The following PIBF1 variants were observed in gnomAD, a reference collection of about 807,000 sequenced individuals.
PIBF1 encodes the protein progesterone immunomodulatory binding factor 1.
A neutral mutation model predicts 112.5 loss-of-function variants in PIBF1; 90 were observed. That is an observed-to-expected ratio of 0.80 (90% CI 0.67 to 0.95). The LOEUF (loss-of-function observed/expected upper bound fraction) is 0.95. PIBF1 is among the 40% of genes least tolerant of loss of function. The pLI is 0.00. For synonymous variants in PIBF1, 301 were observed against 288.6 expected (o/e 1.04, Z -0.44); for missense variants, 915 against 852.3 (o/e 1.07, Z -0.92).
At chr13:72,800,840 A>G (rs947236127) in intron 5 of PIBF1, among the ~76,000 whole-genome samples, 16 of 152,238 alleles carry the variant, frequency 1.1e-4, no homozygotes, top group African/African-American at 2.7e-4. Flanking sequence ...AGTTCAAGAT[A>G]AGGTGAATTG....
chr13:72,984,326 A>G (rs1292451610), intron 16 of PIBF1, among the ~76,000 whole-genome samples: 2 of 152,206 alleles, frequency 1.3e-5, no homozygotes. Flanking sequence ...AATTACTTTC[A>G]AGTAAGTGTA....
At chr13:72,950,040 A>G (rs1305498606) in intron 14 of PIBF1, among the ~76,000 whole-genome samples, 4 of 152,082 alleles carry the variant, frequency 2.6e-5, no homozygotes, top group African/African-American at 9.7e-5. Context: ...AGCTAATCCA[A>G]CCTCTATATC....
At chr13:73,012,429 C>T (rs2044231194) in intron 17 of PIBF1, among the ~76,000 whole-genome samples, 1 of 151,898 alleles carries the variant, frequency 6.6e-6, no homozygotes, top group Admixed American at 6.6e-5. Flanking sequence ...AATCTCTAAC[C>T]TTGAGAATAT....
chr13:72,799,779 ATCCCTCAAGGAC>A (rs2035382743), intron 5 of PIBF1, among the ~76,000 whole-genome samples: 1 of 152,184 alleles, frequency 6.6e-6, no homozygotes, highest in South Asian at 2.1e-4. Flanking sequence ...GTACCTCAGC[ATCCCTCAAGGAC>A]TTCTTACTGT....
At position 72,809,922 on chromosome 13, in the gene PIBF1, C is replaced by G. The variant is rs542916794; in HGVS notation, c.672+11896C>G. ...ATTCTTGACCTTTAAAAGGAAATTA[C>G]TCTTTCTGAAGTGGCAGTTTTAGTG... On this transcript the variant is annotated intron_variant, in intron 5 of 17. Transcript: ENST00000326291. Among the ~76,000 whole-genome samples the G allele has an allele frequency of 3.6e-4, 55 of 152,234 alleles. No individual in the cohort carries two copies. The South Asian group carries it at 3.7e-3, about 10-fold the overall frequency.
At chr13:72,879,707 TGGCCGATA>T (rs924216532) in intron 10 of PIBF1, among the ~76,000 whole-genome samples, 40 of 152,228 alleles carry the variant, frequency 2.6e-4, no homozygotes, top group African/African-American at 8.9e-4. Context: ...CGACAAACTA[TGGCCGATA>T]GGCCAAATCC....
intron 15 of PIBF1, among the ~76,000 whole-genome samples, chr13:72,966,475 A>T (rs2042741359): frequency 6.6e-6 from 1 of 152,196 alleles, no homozygotes; most frequent in Admixed American, 6.5e-5. Flanking sequence ...ATAATAAATT[A>T]ATTGTTCTAT....
At position 72,805,299 on chromosome 13, in the gene PIBF1, C is replaced by T. The variant is rs557078734; in HGVS notation, c.672+7273C>T. Among the ~76,000 whole-genome samples, 363 of 152,266 alleles carry T rather than the reference C, an allele frequency of 2.4e-3. 1 individual carries two copies. The highest frequency in any genetic ancestry group is 1.3e-3 in the African/African-American group (53 of 41,576). ...CTGGGACTACAGGCACACGCCACGA[C>T]GCCTGGCTAATTTTTTGTATTTTTA... On this transcript the variant is annotated intron_variant, in intron 5 of 17. Coordinates refer to ENST00000326291, the MANE Select transcript of PIBF1 (RefSeq NM_006346.4).
At chr13:72,808,230 T>C (rs905943489) in intron 5 of PIBF1, among the ~76,000 whole-genome samples, 2 of 152,220 alleles carry the variant, frequency 1.3e-5, no homozygotes, top group African/African-American at 4.8e-5. Context: ...ATAGCTTTTA[T>C]TTCTCTATTT....
chr13:72,954,569 C>A (rs2042388436), intron 14 of PIBF1, among the ~76,000 whole-genome samples: 1 of 152,206 alleles, frequency 6.6e-6, no homozygotes, highest in African/African-American at 2.4e-5. Flanking sequence ...GCCACTCCTT[C>A]TCATGTATTC....
chr13:72,927,719 T>C (rs1054407688), intron 13 of PIBF1, among the ~76,000 whole-genome samples: 4 of 151,628 alleles, frequency 2.6e-5, no homozygotes, highest in Admixed American at 6.6e-5. Flanking sequence ...GTTTCTGCTG[T>C]GTTCTTTTGC....
intron 9 of PIBF1, among the ~76,000 whole-genome samples, chr13:72,841,826 A>C (rs1330761567): frequency 1.3e-5 from 2 of 152,192 alleles, no homozygotes; most frequent in Non-Finnish European, 2.9e-5. Context: ...GTGAGGTCTA[A>C]ATGAAATAAT....
intron 10 of PIBF1, among the ~76,000 whole-genome samples, chr13:72,874,054 A>T (rs1024859955): frequency 6.6e-6 from 1 of 152,178 alleles, no homozygotes; most frequent in Non-Finnish European, 1.5e-5. Flanking sequence ...TACCACTACA[A>T]CCACTAGAAT....
At chr13:72,934,212 T>C (rs973576010) in intron 14 of PIBF1, among the ~76,000 whole-genome samples, 3 of 152,212 alleles carry the variant, frequency 2.0e-5, no homozygotes, top group Non-Finnish European at 4.4e-5. Context: ...AGTATTAGAT[T>C]GCTGTTATAA....
chr13:72,815,104 A>T (rs1028562392), intron 5 of PIBF1, among the ~76,000 whole-genome samples: 2 of 152,254 alleles, frequency 1.3e-5, no homozygotes, highest in Non-Finnish European at 2.9e-5. Flanking sequence ...CTATTGAAAA[A>T]GAAAGTTCTG....
chr13:72,967,874 T>A (rs1204000993), intron 15 of PIBF1, among the ~76,000 whole-genome samples: 1 of 152,142 alleles, frequency 6.6e-6, no homozygotes. Context: ...CCAATAGAAC[T>A]TTCTATAATG....
intron 10 of PIBF1, among the ~76,000 whole-genome samples, chr13:72,886,079 A>G (rs768847870): frequency 1.3e-5 from 2 of 152,120 alleles, no homozygotes; most frequent in African/African-American, 2.4e-5. Flanking sequence ...TAGTAAATTC[A>G]TTTCTTTTCT....
intron 6 of PIBF1, among the ~76,000 whole-genome samples, chr13:72,824,937 C>A (rs2036732018): frequency 6.6e-6 from 1 of 152,102 alleles, no homozygotes; most frequent in Non-Finnish European, 1.5e-5. Flanking sequence ...CTGTAGTATT[C>A]CTGCCCAAGT....
intron 16 of PIBF1, among the ~76,000 whole-genome samples, chr13:72,985,707 C>T (rs1484854494): frequency 6.6e-6 from 1 of 152,090 alleles, no homozygotes; most frequent in African/African-American, 2.4e-5. Context: ...TAAGAGAAGG[C>T]TGGAATACAA....
Sources: gnomAD v4.1 joint callset for allele counts (sites outside exome capture counted in the v4.1 genomes callset) on GRCh38, gnomAD v4.1.1 for gene constraint, MANE v1.5 for transcripts, NCBI Gene and HGNC (gene_info 2026-07-23, HGNC 2026-07-21) for gene names.